INPP5D: variants seen among roughly 807,000 people sequenced by gnomAD.
INPP5D encodes phosphatidylinositol 3,4,5-trisphosphate 5-phosphatase 1.
INPP5D carries 33 observed loss-of-function variants against 122.9 expected under a neutral mutation model. The ratio of observed to expected loss-of-function variants is 0.27; its 90% confidence interval spans 0.20 to 0.36. The LOEUF (loss-of-function observed/expected upper bound fraction) is 0.36, where lower values mean the gene tolerates loss of function less well. Ranked by LOEUF, INPP5D falls within the 10% of genes least tolerant of loss-of-function variation. The probability of loss-of-function intolerance (pLI) is 1.00; values close to 1 mark genes in which losing one functional copy is unlikely to be tolerated. For missense variants in INPP5D, 1,053 were observed against 1,412.7 expected (o/e 0.75, Z 4.08); for synonymous variants, 584 against 576.2 (o/e 1.01, Z -0.19).
At position 233,137,854 on chromosome 2, in the gene INPP5D, ATATATATATATATAT is replaced by A. The variant is rs1316152684; in HGVS notation, c.666-1987_666-1973del. ...TCACAAAAAAAAAAAAAAAAAAAAA[ATATATATATATATAT>A]ATATATATATATATATATATATATA... is the stretch of plus-strand genomic sequence containing the variant. On this transcript the variant is annotated intron_variant, in intron 5 of 26. Coordinates refer to ENST00000445964, the MANE Select transcript of INPP5D (RefSeq NM_001017915.3). 3.8e-3 allele frequency among the ~76,000 whole-genome samples: 34 copies of A among 8,884 alleles called. 2 individuals carry two copies. Among genetic ancestry groups the A allele is most frequent in the South Asian group, 0.014 (2 of 144 alleles). 5.8% of individuals were successfully genotyped at this position (8,884 alleles called of 152,430 possible).
intron 6 of INPP5D, chr2:233,140,668 A>G (rs1693614379): frequency 6.6e-6 from 1 of 152,212 alleles, no homozygotes; most frequent in Admixed American, 6.5e-5. Flanking sequence ...GCACCAGCTA[A>G]TAGCTGGGGA....
At chr2:233,129,915 T>A (rs1339347124) in intron 4 of INPP5D, among the ~76,000 whole-genome samples, 3 of 135,368 alleles carry the variant, frequency 2.2e-5, no homozygotes, top group Admixed American at 7.2e-5. Context: ...TGTGTGTGTG[T>A]GTGAGAGACA....
chr2:233,193,206 C>T (rs1188906151), intron 22 of INPP5D, among the ~76,000 whole-genome samples: 1 of 152,212 alleles, frequency 6.6e-6, no homozygotes, highest in African/African-American at 2.4e-5. Flanking sequence ...TGTTATTTTT[C>T]TCGCTTCCTA....
intron 6 of INPP5D, chr2:233,141,412 C>G (rs1693628999): frequency 6.6e-6 from 1 of 151,956 alleles, no homozygotes; most frequent in African/African-American, 2.4e-5. Context: ...ACCAAAAATA[C>G]AAAAATTAGC....
intron 2 of INPP5D, among the ~76,000 whole-genome samples, chr2:233,117,878 C>G (rs1371691406): frequency 6.6e-6 from 1 of 152,242 alleles, no homozygotes; most frequent in African/African-American, 2.4e-5. Flanking sequence ...GTCCCAGATG[C>G]ATGGAAGACC....
chr2:233,097,360 C>T (rs1443775123), intron 2 of INPP5D, among the ~76,000 whole-genome samples: 3 of 152,166 alleles, frequency 2.0e-5, no homozygotes, highest in African/African-American at 7.2e-5. Flanking sequence ...TTGTCAAGTT[C>T]TCTGAAAAAA....
chr2:233,178,089 A>G (rs1165897026), intron 18 of INPP5D, among the ~76,000 whole-genome samples: 2 of 152,192 alleles, frequency 1.3e-5, no homozygotes, highest in Non-Finnish European at 2.9e-5. Context: ...AAGGCATAAC[A>G]TGTAATATTA....
chr2:233,179,225 C>A (rs1167071488), intron 18 of INPP5D, among the ~76,000 whole-genome samples: 1 of 152,244 alleles, frequency 6.6e-6, no homozygotes, highest in Non-Finnish European at 1.5e-5. Flanking sequence ...CCTCTGCCTG[C>A]AGCCTCCTCA....
Position 233,169,312 on chromosome 2 carries a change from G to T in INPP5D, c.1563G>T (p.Lys521Asn). Residue 521 changes from lysine to asparagine, a missense_variant, in exon 14 of 27, where the codon AAG (lysine) becomes AAT (asparagine). By Grantham distance (94) the Lys-to-Asn change is moderately conservative. Around this residue, in one of 6 missense-constraint regions of INPP5D, gnomAD observed 3 missense variants for 25.8 expected, o/e 0.12. Coordinates refer to ENST00000445964, the MANE Select transcript of INPP5D (RefSeq NM_001017915.3). ...KTGIANTLGNKGAVGVSFMFN... is the reference protein window; with the variant it reads ...KTGIANTLGNNGAVGVSFMFN... ...TTCTGCTCTTCTTTTTAGGGAACAA[G>T]GGAGCCGTGGGGGTGTCGTTCATGT... 6.2e-7 allele frequency: 1 copy of T among 1,602,660 alleles called. No homozygotes were observed. The highest frequency in any genetic ancestry group is 8.5e-7 in the Non-Finnish European group (1 of 1,174,446).
intron 2 of INPP5D, among the ~76,000 whole-genome samples, chr2:233,119,579 A>T (rs1226289440): frequency 2.1e-5 from 3 of 145,734 alleles, no homozygotes; most frequent in African/African-American, 7.3e-5. Flanking sequence ...CTTTTGCTTA[A>T]CTCTCTATAA....
intron 2 of INPP5D, among the ~76,000 whole-genome samples, chr2:233,121,115 T>C (rs1433999862): frequency 7.5e-6 from 1 of 134,018 alleles, no homozygotes; most frequent in Non-Finnish European, 1.5e-5. Context: ...CTTTCTTTCT[T>C]TCTTTCTTTT....
chr2:233,158,259 C>T, intron 9 of INPP5D, 54 bp from the exon 10 acceptor site: 1 of 675,726 alleles, frequency 1.5e-6, no homozygotes, highest in Admixed American at 2.1e-5. Flanking sequence ...TGGAGACCGT[C>T]CATATTGGTT....
chr2:233,117,442 G>A (rs898719409), intron 2 of INPP5D, among the ~76,000 whole-genome samples: 12 of 152,130 alleles, frequency 7.9e-5, no homozygotes, highest in African/African-American at 1.9e-4. Flanking sequence ...AATGGGAGCC[G>A]CAGCCAGATG....
chr2:233,072,857 G>C lies in INPP5D; in HGVS notation c.135-6478G>C, dbSNP rs557282766. Among the ~76,000 whole-genome samples the C allele has an allele frequency of 6.6e-5, 10 of 152,340 alleles. No individual in the cohort carries two copies. The East Asian group carries it at 1.9e-3, about 29-fold the overall frequency. ...GTGCCCAGGGTCCTGGCAGGAAATAGATGGCATGTTCAACAGGAGTGATAA... is the reference window on the plus strand; with the variant it reads ...GTGCCCAGGGTCCTGGCAGGAAATACATGGCATGTTCAACAGGAGTGATAA... On this transcript the variant is annotated intron_variant, in intron 1 of 26. Transcript: ENST00000445964.
chr2:233,098,875 C>T (rs1050572035), intron 2 of INPP5D, among the ~76,000 whole-genome samples: 8 of 152,292 alleles, frequency 5.3e-5, no homozygotes, highest in African/African-American at 1.9e-4. Context: ...TATTTGCCAT[C>T]GACTAAAATG....
intron 2 of INPP5D, among the ~76,000 whole-genome samples, chr2:233,094,341 C>T (rs1292172962): frequency 2.0e-5 from 3 of 151,338 alleles, no homozygotes; most frequent in South Asian, 2.1e-4. Context: ...GGTGAAACCC[C>T]GTCTCTACTA....
At chr2:233,067,108 T>C (rs528345388) in intron 1 of INPP5D, among the ~76,000 whole-genome samples, 1 of 152,322 alleles carries the variant, frequency 6.6e-6, no homozygotes, top group Non-Finnish European at 1.5e-5. Context: ...GTGCTTTTAG[T>C]GCATTCACAA....
At chr2:233,079,503 G>T in intron 2 of INPP5D, 105 bp downstream of exon 2, 2 of 776,118 alleles carry the variant, frequency 2.6e-6, no homozygotes, top group Non-Finnish European at 4.5e-6. Flanking sequence ...GTAGCCGGAC[G>T]TGAAGGCCTG....
At position 233,183,749 on chromosome 2, in the gene INPP5D, TAGAA is replaced by T. The variant is rs1694840413; in HGVS notation, c.2162-655_2162-652del. Reference sequence around the variant, plus strand: ...AGCCTGGACTGGGCACTGTGGGATTTAGAAAGAGAAAGGAAAGAAGGAAGGATGT... The same window carrying T: ...AGCCTGGACTGGGCACTGTGGGATTTAGAGAAAGGAAAGAAGGAAGGATGT... On this transcript the variant is annotated intron_variant, in intron 19 of 26. Transcript: ENST00000445964. This position sits in a 1 kb window ranked among gnomAD's most constrained non-coding sequence, Gnocchi z 4.6. 6.6e-6 allele frequency among the ~76,000 whole-genome samples: 1 copy of T among 152,132 alleles called. No individual in the cohort carries two copies. Among genetic ancestry groups the T allele is most frequent in the African/African-American group, 2.4e-5 (1 of 41,408 alleles).
Sources: gnomAD v4.1 joint callset for allele counts (sites outside exome capture counted in the v4.1 genomes callset) on GRCh38, gnomAD v4.1.1 for gene constraint, gnomAD v4.1.1 regional missense constraint, Gnocchi (gnomAD v3.1) non-coding constraint, MANE v1.5 for transcripts, NCBI Gene and HGNC (gene_info 2026-07-23, HGNC 2026-07-21) for gene names.